The following ABCA12 variants were observed in gnomAD, a reference collection of about 807,000 sequenced individuals.
ABCA12 encodes glucosylceramide transporter ABCA12.
ABCA12 carries 156 observed loss-of-function variants against 293.5 expected under a neutral mutation model. The observed-to-expected ratio is 0.53, with a 90% confidence interval of 0.47 to 0.61. The LOEUF is 0.61. Ranked by LOEUF, ABCA12 falls within the 20% of genes least tolerant of loss-of-function variation. The probability of loss-of-function intolerance (pLI) is 0.00; values close to 1 mark genes in which losing one functional copy is unlikely to be tolerated. For synonymous variants in ABCA12, 1,063 were observed against 1,108.0 expected, an observed-to-expected ratio of 0.96 and a Z score of 0.81; for missense variants, 2,797 against 3,090.2, an observed-to-expected ratio of 0.91 and a Z score of 2.25.
intron 4 of ABCA12, among the ~76,000 whole-genome samples, chr2:215,053,089 G>A (rs1011184532): frequency 1.3e-5 from 2 of 151,982 alleles, no homozygotes; most frequent in African/African-American, 2.4e-5. Flanking sequence ...TGATATTTTA[G>A]ATCAAATAAA....
chr2:215,018,219 G>C, intron 13 of ABCA12, 87 bp from the exon 14 acceptor site: 3 of 1,528,194 alleles, frequency 2.0e-6, no homozygotes, highest in Non-Finnish European at 2.6e-6. Context: ...AAACCTTCTA[G>C]ACTAAGACAT....
At chr2:215,040,806 C>T (rs28766945) in intron 7 of ABCA12, among the ~76,000 whole-genome samples, 12,859 of 151,814 alleles carry the variant, frequency 0.085, 1,521 homozygotes, top group African/African-American at 0.27. Flanking sequence ...AGGGAGACTC[C>T]GTCTCAAAAA....
chr2:215,004,314 T>C lies in ABCA12; in HGVS notation c.2593-15A>G. On this transcript the variant is annotated splice_polypyrimidine_tract_variant and intron_variant, in intron 19 of 52. Coordinates refer to ENST00000272895, the MANE Select transcript of ABCA12 (RefSeq NM_173076.3). The stretch of plus-strand genomic sequence containing the variant: ...CTTAGAGTATTCTAACAAATAATAA[T>C]TAAAAATCAGTTTCAATACAAGAAA... 5.0e-6 allele frequency: 8 copies of C among 1,589,490 alleles called. No homozygotes were observed. Among genetic ancestry groups the C allele is most frequent in the Non-Finnish European group, 6.9e-6 (8 of 1,160,314 alleles).
intron 1 of ABCA12, among the ~76,000 whole-genome samples, chr2:215,126,469 A>C (rs1702925468): frequency 6.6e-6 from 1 of 152,014 alleles, no homozygotes; most frequent in Non-Finnish European, 1.5e-5. Context: ...TTACCATTTC[A>C]TTCTCCCTGC....
chr2:214,947,270 G>T, intron 48 of ABCA12, 152 bp downstream of exon 48: 1 of 1,027,178 alleles, frequency 9.7e-7, no homozygotes, highest in Non-Finnish European at 1.5e-6. Flanking sequence ...CCTTTATTGA[G>T]ATAGTATACA....
chr2:215,036,975 G>T lies in ABCA12; in HGVS notation c.963C>A (p.Tyr321Ter). ...TACCTTGAGCTGGGGAGTCCAGAGT[G>T]TACAGCAGATGTTTAACAGACTTCT... is the stretch of plus-strand genomic sequence containing the variant. ...TLQKSVKHLL[Y>*]TLDSPAQGDS... is the part of the protein sequence containing the mutation. Residue 321 changes from tyrosine to a stop codon, truncating the protein, a stop_gained, in exon 8 of 53, where the codon TAC (tyrosine) becomes TAA (stop). Coordinates refer to ENST00000272895, the MANE Select transcript of ABCA12 (RefSeq NM_173076.3). LOFTEE classifies it high-confidence loss of function. 1 of 1,613,864 alleles carries T rather than the reference G, an allele frequency of 6.2e-7. No individual in the cohort carries two copies. Among genetic ancestry groups the T allele is most frequent in the Non-Finnish European group, 8.5e-7 (1 of 1,179,798 alleles).
At chr2:214,953,776 A>C in intron 44 of ABCA12, 78 bp downstream of exon 44, 1 of 1,547,728 alleles carries the variant, frequency 6.5e-7, no homozygotes, top group Non-Finnish European at 8.8e-7. Context: ...GGAAAAGCTT[A>C]GACTATTGAC....
chr2:215,135,106 G>C (rs970117512), intron 1 of ABCA12, among the ~76,000 whole-genome samples: 2 of 152,048 alleles, frequency 1.3e-5, no homozygotes, highest in Non-Finnish European at 2.9e-5. Context: ...GGGATTACAG[G>C]CACCTGCCAT....
Position 215,019,437 on chromosome 2 carries a change from T to C in ABCA12, c.1556A>G (p.Gln519Arg). The change falls in exon 13 of 53, where the codon CAG becomes CGG. Residue 519 changes from glutamine to arginine, a missense_variant. Physicochemically the swap from Gln to Arg is conservative, Grantham distance 43 (BLOSUM62 1). Around this residue, in one of 3 missense-constraint regions of ABCA12, gnomAD observed 656 missense variants for 638.2 expected, o/e 1.03. Transcript: ENST00000272895. ...INLNMDQFLE[Q>R]ALQMNYLENI... ...TTCCAAGTAATTCATTTGCAGTGCC[T>C]GTTCTAGAAACCTGGAACAAAACAG... 2 of 1,613,950 alleles carry C rather than the reference T, an allele frequency of 1.2e-6. No homozygotes were observed. The highest frequency in any genetic ancestry group is 1.7e-6 in the Non-Finnish European group (2 of 1,179,838).
chr2:214,954,369 G>A (rs1430569982), intron 43 of ABCA12, among the ~76,000 whole-genome samples: 1 of 152,088 alleles, frequency 6.6e-6, no homozygotes, highest in African/African-American at 2.4e-5. Context: ...ATTATTTCTA[G>A]ACCTACCTTT....
intron 48 of ABCA12, among the ~76,000 whole-genome samples, chr2:214,945,395 A>T (rs1425040392): frequency 6.6e-6 from 1 of 152,136 alleles, no homozygotes; most frequent in Non-Finnish European, 1.5e-5. Flanking sequence ...TTACTGGCAA[A>T]TTCTTATATT....
intron 24 of ABCA12, 146 bp downstream of exon 24, chr2:214,990,556 G>C (rs1249521083): frequency 1.3e-6 from 1 of 771,164 alleles, no homozygotes; most frequent in Admixed American, 2.3e-5. Flanking sequence ...TGTAAGAAAA[G>C]CTATCATTAG....
rs1699512421 is a variant in ABCA12 at position 214,976,151 on chromosome 2, A to G, written c.5129-114T>C. On this transcript the variant is annotated intron_variant, in intron 33 of 52. Transcript: ENST00000272895. ...ACACTGTGGTGGGAAAAGCTTTTAA[A>G]GATTTGGATTTGAGGTTCAGCAATG... is the stretch of plus-strand genomic sequence containing the variant. 4 of 1,436,688 alleles carry G rather than the reference A, an allele frequency of 2.8e-6. No homozygotes were observed. In the Admixed American group the frequency reaches 7.9e-5, roughly 28 times the overall value. 89.0% of individuals were successfully genotyped at this position (1,436,688 alleles called of 1,614,324 possible).
At chr2:215,035,590 G>A (rs1438855889) in intron 8 of ABCA12, among the ~76,000 whole-genome samples, 1 of 151,366 alleles carries the variant, frequency 6.6e-6, no homozygotes, top group Non-Finnish European at 1.5e-5. Flanking sequence ...GCTTGAACCT[G>A]GGAAGCGGAG....
chr2:215,057,525 A>T (rs1334667195), intron 3 of ABCA12, among the ~76,000 whole-genome samples: 1 of 152,084 alleles, frequency 6.6e-6, no homozygotes, highest in Non-Finnish European at 1.5e-5. Context: ...TTTACTAGTG[A>T]TATGGAATGA....
At chr2:215,004,776 G>A (rs767295001) in intron 19 of ABCA12, 14 of 163,492 alleles carry the variant, frequency 8.6e-5, no homozygotes, top group East Asian at 1.7e-4. Flanking sequence ...AGCAAGTACC[G>A]TTTCCAGTCT....
At chr2:215,097,966 T>G (rs924460404) in intron 2 of ABCA12, among the ~76,000 whole-genome samples, 1 of 152,192 alleles carries the variant, frequency 6.6e-6, no homozygotes, top group African/African-American at 2.4e-5. Context: ...TTTTTTTCCC[T>G]GATTTTCAGA....
chr2:215,100,016 CT>C (rs199763276), intron 2 of ABCA12, among the ~76,000 whole-genome samples: 12,737 of 115,924 alleles, frequency 0.11, 762 homozygotes, highest in East Asian at 0.37. Context: ...CTCTCTCTCT[CT>C]TTTTTTTTTT....
intron 51 of ABCA12, 112 bp from the exon 52 acceptor site, chr2:214,934,327 A>T: frequency 8.4e-7 from 1 of 1,186,006 alleles, no homozygotes; most frequent in South Asian, 1.2e-5. Flanking sequence ...TTCCACTGAA[A>T]ATGATGCTAC....
Sources: allele counts gnomAD v4.1 joint callset (sites outside exome capture counted in the v4.1 genomes callset), GRCh38; gene constraint gnomAD v4.1.1; regional missense constraint gnomAD v4.1.1; transcripts MANE v1.5; gene names NCBI Gene and HGNC (gene_info 2026-07-23, HGNC 2026-07-21).